The following SH3RF3 variants were observed in gnomAD, a reference collection of about 807,000 sequenced individuals.
SH3RF3 encodes SH3 domain containing ring finger 3.
In SH3RF3, 29 loss-of-function variants were observed where a neutral mutation model predicts 66.3. The observed-to-expected ratio is 0.44, with a 90% confidence interval of 0.33 to 0.60. The LOEUF is 0.60. SH3RF3 is among the 20% of genes least tolerant of loss of function. SH3RF3 has a pLI of 0.04. For synonymous variants in SH3RF3, 583 were observed against 532.0 expected (o/e 1.10, Z -1.32); for missense variants, 1,194 against 1,190.9 (o/e 1.00, Z -0.04).
Position 109,130,028 on chromosome 2 carries a change from C to T in SH3RF3, c.488C>T (p.Ser163Phe), listed in dbSNP as rs776934640. The T allele has an allele frequency of 4.9e-5, 66 of 1,336,972 alleles. No homozygotes were observed. Among genetic ancestry groups the T allele is most frequent in the South Asian group, 1.8e-4 (9 of 50,830 alleles). 82.8% of individuals were successfully genotyped at this position (1,336,972 alleles called of 1,614,324 possible). Residue 163 changes from serine (S) to phenylalanine (F), a missense_variant, in exon 1 of 10, where the codon TCC (serine) becomes TTC (phenylalanine). Physicochemically the swap from Ser to Phe is radical, Grantham distance 155. Transcript: ENST00000309415. ...GGCGCGGCAGGCAGCACCCCGGGTT[C>T]CCCGGTTTTCCTCTCCGCGGCCGCG... is the stretch of plus-strand genomic sequence containing the variant. Reference protein sequence around the residue: ...GGGAAGSTPGSPVFLSAAAGS... With the variant: ...GGGAAGSTPGFPVFLSAAAGS...
intron 1 of SH3RF3, among the ~76,000 whole-genome samples, chr2:109,347,412 TTGTC>T (rs1682735031): frequency 6.6e-6 from 1 of 151,954 alleles, no homozygotes; most frequent in Non-Finnish European, 1.5e-5. Context: ...CAGAATGAGG[TTGTC>T]TGTGTGGAAG....
chr2:109,259,743 T>C (rs1680306361), intron 1 of SH3RF3, among the ~76,000 whole-genome samples: 1 of 152,262 alleles, frequency 6.6e-6, no homozygotes, highest in Non-Finnish European at 1.5e-5. Flanking sequence ...TTTTTCTTCA[T>C]GGAGGCTTCA....
chr2:109,156,527 C>T lies in SH3RF3; in HGVS notation c.573+26414C>T, dbSNP rs575707156. Among the ~76,000 whole-genome samples the T allele has an allele frequency of 4.0e-5, 6 of 151,874 alleles. No individual in the cohort carries two copies. In the East Asian group the frequency reaches 1.2e-3, roughly 29 times the overall value. ...GTGGTGCAATCTTGGCTCACTGCAGCCTTTACCTCCTGAGTTCAAGCGATT... is the reference window on the plus strand; with the variant it reads ...GTGGTGCAATCTTGGCTCACTGCAGTCTTTACCTCCTGAGTTCAAGCGATT... On this transcript the variant is annotated intron_variant, in intron 1 of 9. Coordinates refer to ENST00000309415, the MANE Select transcript of SH3RF3 (RefSeq NM_001099289.3).
rs540185579 is a variant in SH3RF3 at position 109,400,668 on chromosome 2, G to A, written c.1299+1725G>A. Among the ~76,000 whole-genome samples, 28 of 141,602 alleles carry A rather than the reference G, an allele frequency of 2.0e-4. No individual in the cohort carries two copies. In the South Asian group the frequency reaches 3.7e-3, roughly 19 times the overall value. The allele number at this position is 141,602 out of a possible 152,430, so 92.9% of individuals were successfully genotyped here. On this transcript the variant is annotated intron_variant, in intron 4 of 9. Coordinates refer to ENST00000309415, the MANE Select transcript of SH3RF3 (RefSeq NM_001099289.3). ...CACACATGTAGACATTTATACATGC[G>A]CACACACACATTGGTGGATACACAC... is the stretch of plus-strand genomic sequence containing the variant.
At chr2:109,210,653 T>G (rs938655999) in intron 1 of SH3RF3, among the ~76,000 whole-genome samples, 1 of 151,264 alleles carries the variant, frequency 6.6e-6, no homozygotes, top group African/African-American at 2.4e-5. Context: ...AGGGGAGAGG[T>G]GGGGTCTGAT....
chr2:109,289,196 C>T lies in SH3RF3; in HGVS notation c.574-58478C>T, dbSNP rs575366005. ...CTCTCTCTGCAGAAAAAGCCCCTTT[C>T]TCTGCTGTCATATGACTTGGACTGC... On this transcript the variant is annotated intron_variant, in intron 1 of 9. Coordinates refer to ENST00000309415, the MANE Select transcript of SH3RF3 (RefSeq NM_001099289.3). Among the ~76,000 whole-genome samples the T allele has an allele frequency of 7.9e-5, 12 of 152,170 alleles. 1 individual carries two copies. In the South Asian group the frequency reaches 2.5e-3, roughly 32 times the overall value.
At chr2:109,316,518 G>T (rs1343143477) in intron 1 of SH3RF3, among the ~76,000 whole-genome samples, 1 of 152,158 alleles carries the variant, frequency 6.6e-6, no homozygotes, top group East Asian at 1.9e-4. Context: ...TCCTCTTAGA[G>T]ATTTCCTCTG....
At chr2:109,171,333 A>G (rs1677778139) in intron 1 of SH3RF3, among the ~76,000 whole-genome samples, 3 of 152,202 alleles carry the variant, frequency 2.0e-5, no homozygotes, top group Non-Finnish European at 4.4e-5. Flanking sequence ...GCCTGTTAAG[A>G]ATTCAAAGTT....
chr2:109,443,262 T>C (rs1677619055), intron 7 of SH3RF3, among the ~76,000 whole-genome samples: 1 of 152,228 alleles, frequency 6.6e-6, no homozygotes, highest in African/African-American at 2.4e-5. Context: ...GGCTGCCCTA[T>C]TAACAGGTGC....
intron 4 of SH3RF3, among the ~76,000 whole-genome samples, chr2:109,418,907 C>A (rs1465070936): frequency 6.6e-6 from 1 of 152,188 alleles, no homozygotes; most frequent in Non-Finnish European, 1.5e-5. Context: ...CTTGGCAAGA[C>A]CATGGTGCCA....
intron 1 of SH3RF3, among the ~76,000 whole-genome samples, chr2:109,290,440 G>C (rs1228978102): frequency 6.6e-6 from 1 of 152,212 alleles, no homozygotes; most frequent in Non-Finnish European, 1.5e-5. Flanking sequence ...ATATATGCAT[G>C]CACCAGATTT....
chr2:109,300,233 T>A (rs1232071188), intron 1 of SH3RF3, among the ~76,000 whole-genome samples: 4 of 152,156 alleles, frequency 2.6e-5, no homozygotes, highest in African/African-American at 9.7e-5. Context: ...AGAGTCTCAC[T>A]CTGTCGCCCA....
At chr2:109,493,601 CCA>C (rs1335617763) in intron 9 of SH3RF3, among the ~76,000 whole-genome samples, 1 of 150,918 alleles carries the variant, frequency 6.6e-6, no homozygotes, top group African/African-American at 2.4e-5. Flanking sequence ...TACACACAAA[CCA>C]CACACACTGC....
At chr2:109,448,624 T>G (rs1460770290) in intron 7 of SH3RF3, among the ~76,000 whole-genome samples, 6 of 152,238 alleles carry the variant, frequency 3.9e-5, no homozygotes, top group African/African-American at 1.4e-4. Context: ...TAGATGGGCC[T>G]GTCTAGTTGC....
chr2:109,314,466 G>A (rs1681822231), intron 1 of SH3RF3, among the ~76,000 whole-genome samples: 1 of 152,162 alleles, frequency 6.6e-6, no homozygotes, highest in African/African-American at 2.4e-5. Flanking sequence ...GGGGAAAGCA[G>A]GTCAGCCTGA....
chr2:109,359,254 G>A (rs1167333848), intron 2 of SH3RF3, among the ~76,000 whole-genome samples: 1 of 152,092 alleles, frequency 6.6e-6, no homozygotes, highest in African/African-American at 2.4e-5. Context: ...GGCTCTTCTA[G>A]GTCTCTTGCC....
chr2:109,291,302 T>G (rs915161875), intron 1 of SH3RF3, among the ~76,000 whole-genome samples: 1 of 151,066 alleles, frequency 6.6e-6, no homozygotes, highest in Non-Finnish European at 1.5e-5. Context: ...TTTTTTGCAT[T>G]ATGCTTGAAG....
intron 1 of SH3RF3, among the ~76,000 whole-genome samples, chr2:109,199,592 TGG>T (rs1678604286): frequency 0.015 from 2 of 136 alleles, no homozygotes; most frequent in African/African-American, 0.062. Context: ...TGGAATGGAA[TGG>T]AATGGAATGG....
intron 2 of SH3RF3, among the ~76,000 whole-genome samples, chr2:109,369,642 C>T (rs1683223451): frequency 1.3e-5 from 2 of 152,180 alleles, no homozygotes; most frequent in Non-Finnish European, 2.9e-5. Context: ...TCTACTTGTT[C>T]TCCTGGGAGA....
Sources: allele counts gnomAD v4.1 joint callset (sites outside exome capture counted in the v4.1 genomes callset), GRCh38; gene constraint gnomAD v4.1.1; transcripts MANE v1.5; gene names NCBI Gene and HGNC (gene_info 2026-07-23, HGNC 2026-07-21).